ZNF425: variants seen among roughly 807,000 people sequenced by gnomAD.
The protein encoded by ZNF425 is zinc finger protein 425.
Under a neutral mutation model 17.0 loss-of-function variants are expected in ZNF425, and 21 were observed. The ratio of observed to expected loss-of-function variants is 1.23; its 90% CI spans 0.88 to 1.78. The LOEUF is 1.78. ZNF425 is among the 40% of genes most tolerant of loss of function. The probability of loss-of-function intolerance (pLI) is 0.00; values close to 1 mark genes in which losing one functional copy is unlikely to be tolerated. For synonymous variants in ZNF425, 433 were observed against 384.1 expected (o/e 1.13, Z -1.49); for missense variants, 868 against 967.3 (o/e 0.90, Z 1.36).
Position 149,104,184 on chromosome 7 carries a change from A to G in ZNF425, c.1687T>C (p.Phe563Leu), listed in dbSNP as rs140965167. Residue 563 changes from phenylalanine (F) to leucine (L), a missense_variant, in exon 4 of 4, where the codon TTC becomes CTC. This residue lies in a region of ZNF425 where 437 missense variants were observed against 444.2 expected (regional missense o/e 0.98). Coordinates refer to ENST00000378061, the MANE Select transcript of ZNF425 (RefSeq NM_001001661.3). This position sits in a 1 kb window ranked among gnomAD's most constrained non-coding sequence, Gnocchi z 4.3. ...PFQCPECDKS[F>L]SWKASMKFHQ... ...AACTTCATGGAGGCCTTCCAGGAGA[A>G]GCTCTTGTCGCACTCGGGACACTGG... The G allele has an allele frequency of 2.5e-6, 4 of 1,613,202 alleles. No individual in the cohort carries two copies. In the African/African-American group the frequency reaches 5.3e-5, roughly 22 times the overall value.
At position 149,105,382 on chromosome 7, in the gene ZNF425, A is replaced by G; in HGVS notation, c.489T>C (p.Tyr163=). Residue 163 remains tyrosine, a synonymous_variant, in exon 4 of 4, where the codon TAT becomes TAC. Coordinates refer to ENST00000378061, the MANE Select transcript of ZNF425 (RefSeq NM_001001661.3). ...GCCGCAGGTCTTTCTTGTCTGGATC[A>G]TATGCTGTGATGCTGACTTTTTTAT... ...ILNKKVSITA[Y]DPDKKDLRHK... is the part of the protein sequence containing the mutation. The G allele has an allele frequency of 6.2e-7, 1 of 1,602,198 alleles. No homozygotes were observed. The highest frequency in any genetic ancestry group is 8.5e-7 in the Non-Finnish European group (1 of 1,175,732).
Position 149,103,765 on chromosome 7 carries a change from G to A in ZNF425, c.2106C>T (p.Gly702=). 2 of 1,614,182 alleles carry A rather than the reference G, an allele frequency of 1.2e-6. No individual in the cohort carries two copies. Among genetic ancestry groups the A allele is most frequent in the Non-Finnish European group, 1.7e-6 (2 of 1,180,044 alleles). ...RPFQCPECGK[G]FLQKRSLKAH... is the part of the protein sequence containing the mutation. ...CCTTCAGGCTTCTCTTCTGGAGGAA[G>A]CCTTTGCCACACTCGGGACACTGGA... The change falls in exon 4 of 4, where the codon GGC becomes GGT. Residue 702 remains glycine (G), a synonymous_variant. Coordinates refer to ENST00000378061, the MANE Select transcript of ZNF425 (RefSeq NM_001001661.3).
chr7:149,110,280 G>C (rs1826152506), intron 3 of ZNF425, among the ~76,000 whole-genome samples: 1 of 151,816 alleles, frequency 6.6e-6, no homozygotes, highest in Admixed American at 6.6e-5. Flanking sequence ...AAAAGCATTT[G>C]TGCAGCCGGG....
Position 149,103,912 on chromosome 7 carries a change from G to C in ZNF425, c.1959C>G (p.Leu653=). 1 of 1,614,070 alleles carries C rather than the reference G, an allele frequency of 6.2e-7. No homozygotes were observed. Among genetic ancestry groups the C allele is most frequent in the East Asian group, 2.2e-5 (1 of 44,856 alleles). Residue 653 remains leucine (L), a synonymous_variant, in exon 4 of 4, where the codon CTC becomes CTG. Coordinates refer to ENST00000378061, the MANE Select transcript of ZNF425 (RefSeq NM_001001661.3). ...CGKSFTQQYR[L]TEHIRVHSGE... ...CGCTGTGGACTCGAATGTGTTCTGT[G>C]AGCCGGTACTGTTGAGTGAAACTTT...
intron 1 of ZNF425, among the ~76,000 whole-genome samples, chr7:149,119,363 G>C (rs1418266024): frequency 6.6e-6 from 1 of 152,038 alleles, no homozygotes; most frequent in Admixed American, 6.6e-5. Flanking sequence ...CCTGGATTAA[G>C]GCACGAGCCA....
chr7:149,121,933 TG>T (rs1490473007), intron 1 of ZNF425, among the ~76,000 whole-genome samples: 1 of 146,218 alleles, frequency 6.8e-6, no homozygotes, highest in Non-Finnish European at 1.5e-5. Flanking sequence ...TGTTTTTTTT[TG>T]AGACGGAGTC....
Position 149,109,933 on chromosome 7 carries a change from A to G in ZNF425, c.304+2204T>C, listed in dbSNP as rs1442514961. 6.7e-5 allele frequency among the ~76,000 whole-genome samples: 10 copies of G among 149,942 alleles called. No individual in the cohort carries two copies. In the East Asian group the frequency reaches 2.0e-3, roughly 30 times the overall value. ...GCTCTGTCACCCAGGCTGGAGTGCAATGGCGCAATCTTGGCTCACTGCAAC... is the reference window on the plus strand; with the variant it reads ...GCTCTGTCACCCAGGCTGGAGTGCAGTGGCGCAATCTTGGCTCACTGCAAC... On this transcript the variant is annotated intron_variant, in intron 3 of 3. Coordinates refer to ENST00000378061, the MANE Select transcript of ZNF425 (RefSeq NM_001001661.3).
At position 149,103,792 on chromosome 7, in the gene ZNF425, G is replaced by A. The variant is rs755976811; in HGVS notation, c.2079C>T (p.Pro693=). Residue 693 remains proline (P), a synonymous_variant, in exon 4 of 4, where the codon CCC becomes CCT. Coordinates refer to ENST00000378061, the MANE Select transcript of ZNF425 (RefSeq NM_001001661.3). ...VHLYKHSGER[P]FQCPECGKGF... is the part of the protein sequence containing the mutation. The stretch of plus-strand genomic sequence containing the variant: ...CTTTGCCACACTCGGGACACTGGAA[G>A]GGCCTCTCTCCACTGTGCTTATACA... The A allele has an allele frequency of 3.1e-6, 5 of 1,614,170 alleles. No homozygotes were observed. Among genetic ancestry groups the A allele is most frequent in the Non-Finnish European group, 4.2e-6 (5 of 1,180,034 alleles).
chr7:149,112,068 A>T (rs1199713743), intron 3 of ZNF425, 69 bp downstream of exon 3: 1 of 1,513,410 alleles, frequency 6.6e-7, no homozygotes, highest in East Asian at 2.3e-5. Flanking sequence ...CAGATATCCA[A>T]AAAGAAAGAT....
chr7:149,118,610 T>A, intron 1 of ZNF425: 1 of 435,454 alleles, frequency 2.3e-6, no homozygotes, highest in Non-Finnish European at 4.3e-6. Context: ...GTCAGGAGTT[T>A]GAGAGACCAG....
Position 149,103,370 on chromosome 7 carries a change from A to T in ZNF425, c.*242T>A, listed in dbSNP as rs1826007439. 1 of 490,368 alleles carries T rather than the reference A, an allele frequency of 2.0e-6. No homozygotes were observed. Among genetic ancestry groups the T allele is most frequent in the Non-Finnish European group, 3.5e-6 (1 of 282,398 alleles). The allele number at this position is 490,368 out of a possible 1,614,324, so 30.4% of individuals were successfully genotyped here. On this transcript the variant is annotated 3_prime_UTR_variant, in exon 4 of 4. Transcript: ENST00000378061. Reference sequence around the variant, plus strand: ...GTAGCTGGGACCACAAGCATGCACCACAACGCCTGGCTGACTTTTATATTT... The same window carrying T: ...GTAGCTGGGACCACAAGCATGCACCTCAACGCCTGGCTGACTTTTATATTT...
Position 149,104,168 on chromosome 7 carries a change from G to C in ZNF425, c.1703C>G (p.Ser568Cys). The stretch of plus-strand genomic sequence containing the variant: ...GTGCATCCGCTGGTGGAACTTCATG[G>C]AGGCCTTCCAGGAGAAGCTCTTGTC... ...ECDKSFSWKASMKFHQRMHRD... is the reference protein window; with the variant it reads ...ECDKSFSWKACMKFHQRMHRD... The change falls in exon 4 of 4, where the codon TCC becomes TGC. Residue 568 changes from serine to cysteine, a missense_variant. Coordinates refer to ENST00000378061, the MANE Select transcript of ZNF425 (RefSeq NM_001001661.3). This position sits in a 1 kb window ranked among gnomAD's most constrained non-coding sequence, Gnocchi z 4.3. 1 of 1,611,332 alleles carries C rather than the reference G, an allele frequency of 6.2e-7. No homozygotes were observed. The highest frequency in any genetic ancestry group is 8.5e-7 in the Non-Finnish European group (1 of 1,179,144).
chr7:149,117,715 C>T (rs1268537479), intron 2 of ZNF425, among the ~76,000 whole-genome samples: 5 of 126,650 alleles, frequency 3.9e-5, no homozygotes, highest in Admixed American at 1.0e-4. Flanking sequence ...TGCAATGGCA[C>T]GATCTTGGCT....
chr7:149,104,568 G>A lies in ZNF425; in HGVS notation c.1303C>T (p.Gln435Ter), dbSNP rs747446759. 37 of 1,613,736 alleles carry A rather than the reference G, an allele frequency of 2.3e-5. No individual in the cohort carries two copies. Among genetic ancestry groups the A allele is most frequent in the Non-Finnish European group, 3.0e-5 (35 of 1,179,920 alleles). The part of the protein sequence containing the change: ...LKRSLKAHGL[Q>*]HIGKRPFQCP... ...TGGAAGGGCCGCTTCCCAATGTGCT[G>A]CAGCCCGTGGGCTTTCAGGCTTCTC... Residue 435 changes from glutamine (Q) to a stop codon, truncating the protein, a stop_gained, in exon 4 of 4, where the codon CAG (glutamine) becomes TAG (stop). Coordinates refer to ENST00000378061, the MANE Select transcript of ZNF425 (RefSeq NM_001001661.3). LOFTEE classifies it low-confidence loss of function (END_TRUNC). This position sits in a 1 kb window ranked among gnomAD's most constrained non-coding sequence, Gnocchi z 4.3.
chr7:149,120,928 C>T (rs1454759852), intron 1 of ZNF425, among the ~76,000 whole-genome samples: 1 of 152,090 alleles, frequency 6.6e-6, no homozygotes, highest in African/African-American at 2.4e-5. Flanking sequence ...CTGTTATGGA[C>T]AATCATGTAC....
At chr7:149,126,149 G>A (rs1283694159) in intron 1 of ZNF425, 47 bp downstream of exon 1, 1 of 1,612,616 alleles carries the variant, frequency 6.2e-7, no homozygotes, top group Non-Finnish European at 8.5e-7. Context: ...GCTGCGACAG[G>A]GACCCGAGTT....
chr7:149,116,231 C>A (rs1300048694), intron 2 of ZNF425, among the ~76,000 whole-genome samples: 1 of 152,200 alleles, frequency 6.6e-6, no homozygotes, highest in Non-Finnish European at 1.5e-5. Flanking sequence ...TCTTCCAATT[C>A]TGTAAATCCA....
rs1235304435 is a variant in ZNF425, at chr7:149,121,163, G to A, written c.19-2815C>T. Among the ~76,000 whole-genome samples, 11 of 20,916 alleles carry A rather than the reference G, an allele frequency of 5.3e-4. 4 individuals are homozygous for A. Among genetic ancestry groups the A allele is most frequent in the African/African-American group, 1.8e-3 (11 of 6,114 alleles). The allele number at this position is 20,916 out of a possible 152,430, so 13.7% of individuals were successfully genotyped here. On this transcript the variant is annotated intron_variant, in intron 1 of 3. Transcript: ENST00000378061. ...GGCTGGAGTGCAGTGGCGGGATCTCGGCTCACTGCAAGCTCCGCCTCCCGG... is the reference window on the plus strand; with the variant it reads ...GGCTGGAGTGCAGTGGCGGGATCTCAGCTCACTGCAAGCTCCGCCTCCCGG...
chr7:149,107,336 TATTTATTTA>T (rs1363429121), intron 3 of ZNF425, among the ~76,000 whole-genome samples: 4 of 139,432 alleles, frequency 2.9e-5, no homozygotes, highest in Admixed American at 1.4e-4. Flanking sequence ...TTTATTTATT[TATTTATTTA>T]TTTTTTTTCT....
Sources: gnomAD v4.1 joint callset for allele counts (sites outside exome capture counted in the v4.1 genomes callset) on GRCh38, gnomAD v4.1.1 for gene constraint, gnomAD v4.1.1 regional missense constraint, Gnocchi (gnomAD v3.1) non-coding constraint, MANE v1.5 for transcripts, NCBI Gene and HGNC (gene_info 2026-07-23, HGNC 2026-07-21) for gene names.